The following SPRYD7 variants were observed in gnomAD, a reference collection of about 807,000 sequenced individuals.
The protein encoded by SPRYD7 is SPRY domain-containing protein 7.
SPRYD7 carries 14 observed loss-of-function variants against 23.8 expected under a neutral mutation model. The observed-to-expected ratio is 0.59, with a 90% CI of 0.39 to 0.92. SPRYD7 has a LOEUF of 0.92. Among genes scored for constraint, SPRYD7 ranks in the 40% least tolerant of loss-of-function variants. The pLI is 0.00. For missense variants in SPRYD7, 194 were observed against 241.7 expected, an observed-to-expected ratio of 0.80 and a Z score of 1.31; for synonymous variants, 75 against 84.9, an observed-to-expected ratio of 0.88 and a Z score of 0.64.
At chr13:49,919,717 ACT>A (rs1265872932) in intron 4 of SPRYD7, among the ~76,000 whole-genome samples, 1 of 138,540 alleles carries the variant, frequency 7.2e-6, no homozygotes, top group East Asian at 2.0e-4. Context: ...ACAGAGTGAG[ACT>A]CTGTCTCAAA....
chr13:49,922,689 T>G (rs1176679272), intron 3 of SPRYD7, among the ~76,000 whole-genome samples: 1 of 152,196 alleles, frequency 6.6e-6, no homozygotes, highest in Non-Finnish European at 1.5e-5. Flanking sequence ...AAAAGAGATC[T>G]TTCCCTTGAA....
At chr13:49,924,233 C>G (rs1255367646) in intron 3 of SPRYD7, among the ~76,000 whole-genome samples, 2 of 151,804 alleles carry the variant, frequency 1.3e-5, no homozygotes, top group African/African-American at 4.8e-5. Flanking sequence ...GTGATCTGCC[C>G]ACCTCGGCCT....
chr13:49,923,888 C>T, intron 3 of SPRYD7, among the ~76,000 whole-genome samples: 1 of 151,748 alleles, frequency 6.6e-6, no homozygotes, highest in African/African-American at 2.4e-5. Flanking sequence ...TGTTCTATGT[C>T]TTTATTAATA....
chr13:49,914,995 G>C lies in SPRYD7; in HGVS notation c.*68C>G. The C allele has an allele frequency of 1.1e-6, 1 of 877,406 alleles. No individual in the cohort carries two copies. Among genetic ancestry groups the C allele is most frequent in the South Asian group, 2.0e-5 (1 of 51,156 alleles). 54.4% of individuals were successfully genotyped at this position (877,406 alleles called of 1,614,324 possible). A position where few individuals can be genotyped will look rare whatever the true frequency, so the allele number is the denominator to read the frequency against. On this transcript the variant is annotated 3_prime_UTR_variant, in exon 5 of 5. Transcript: ENST00000361840. ...GAATATATTTTCATCTATAGGCCAG[G>C]TAAAGTTTTATTAAATGATGAACAT...
chr13:49,921,460 A>T lies in SPRYD7; in HGVS notation c.493+18T>A. ...GTTAATATGTATGTAATAATACATTAGAAATATTTTTGCTTACCATAAACA... is the reference window on the plus strand; with the variant it reads ...GTTAATATGTATGTAATAATACATTTGAAATATTTTTGCTTACCATAAACA... On this transcript the variant is annotated intron_variant, in intron 4 of 4. Coordinates refer to ENST00000361840, the MANE Select transcript of SPRYD7 (RefSeq NM_020456.4). 6.9e-7 allele frequency: 1 copy of T among 1,457,574 alleles called. No homozygotes were observed. The highest frequency in any genetic ancestry group is 9.6e-7 in the Non-Finnish European group (1 of 1,038,168). 90.3% of individuals were successfully genotyped at this position (1,457,574 alleles called of 1,614,324 possible). A position where few individuals can be genotyped will look rare whatever the true frequency, so the allele number is the denominator to read the frequency against.
intron 4 of SPRYD7, among the ~76,000 whole-genome samples, chr13:49,917,173 G>C (rs184350299): frequency 6.6e-6 from 1 of 151,800 alleles, no homozygotes. Flanking sequence ...GCATGATCTC[G>C]GCTCACTGCA....
At chr13:49,925,985 T>C (rs1252558549) in intron 3 of SPRYD7, among the ~76,000 whole-genome samples, 2 of 152,210 alleles carry the variant, frequency 1.3e-5, no homozygotes, top group Admixed American at 1.3e-4. Context: ...GAATGGTACA[T>C]GACTTAAATT....
intron 4 of SPRYD7, among the ~76,000 whole-genome samples, chr13:49,919,561 CA>C (rs1002086634): frequency 3.4e-5 from 5 of 148,278 alleles, no homozygotes; most frequent in Non-Finnish European, 6.0e-5. Context: ...CAAAACAATA[CA>C]AAAAAACCCC....
Position 49,914,767 on chromosome 13 carries a change from A to T in SPRYD7, c.*296T>A. ...AAAACAAATATATTATGTAAGAAAG[A>T]ATTCCCTTTAAATATATATGTATAT... is the stretch of plus-strand genomic sequence containing the variant. On this transcript the variant is annotated 3_prime_UTR_variant, in exon 5 of 5. Coordinates refer to ENST00000361840, the MANE Select transcript of SPRYD7 (RefSeq NM_020456.4). 6.2e-6 allele frequency: 1 copy of T among 160,474 alleles called. No homozygotes were observed. Among genetic ancestry groups the T allele is most frequent in the Non-Finnish European group, 1.4e-5 (1 of 72,558 alleles). 9.9% of individuals were successfully genotyped at this position (160,474 alleles called of 1,614,324 possible).
At position 49,932,394 on chromosome 13, in the gene SPRYD7, T is replaced by G. The variant is rs150317671; in HGVS notation, c.107-1260A>C. Among the ~76,000 whole-genome samples, 385 of 152,230 alleles carry G rather than the reference T, an allele frequency of 2.5e-3. 2 individuals carry two copies. Among genetic ancestry groups the G allele is most frequent in the African/African-American group, 8.7e-3 (360 of 41,532 alleles). The stretch of plus-strand genomic sequence containing the variant: ...ACATGCACTTTATTCTCGTAGAAAA[T>G]TTTTTAGATGAAACGACATCTATAG... On this transcript the variant is annotated intron_variant, in intron 1 of 4. Coordinates refer to ENST00000361840, the MANE Select transcript of SPRYD7 (RefSeq NM_020456.4).
At chr13:49,924,127 C>T (rs1325435092) in intron 3 of SPRYD7, among the ~76,000 whole-genome samples, 1 of 152,012 alleles carries the variant, frequency 6.6e-6, no homozygotes, top group Non-Finnish European at 1.5e-5. Context: ...GGATTACAGG[C>T]ATGCACCACT....
chr13:49,929,939 A>G (rs1955928660), intron 2 of SPRYD7, among the ~76,000 whole-genome samples: 1 of 151,730 alleles, frequency 6.6e-6, no homozygotes, highest in Non-Finnish European at 1.5e-5. Flanking sequence ...ACAGGTGCCC[A>G]CCACGATGCC....
chr13:49,920,367 G>T (rs1258666658), intron 4 of SPRYD7, among the ~76,000 whole-genome samples: 1 of 152,050 alleles, frequency 6.6e-6, no homozygotes, highest in Non-Finnish European at 1.5e-5. Context: ...ATTTTGTAAG[G>T]GTTATTAATG....
At chr13:49,928,808 A>G (rs1475881924) in intron 2 of SPRYD7, among the ~76,000 whole-genome samples, 2 of 152,200 alleles carry the variant, frequency 1.3e-5, no homozygotes, top group East Asian at 1.9e-4. Context: ...AAAGCTACAC[A>G]TTGAATTTAA....
At position 49,928,062 on chromosome 13, in the gene SPRYD7, T is replaced by G. The variant is rs1484327222; in HGVS notation, c.247A>C (p.Thr83Pro). The G allele has an allele frequency of 4.3e-6, 7 of 1,614,108 alleles. No homozygotes were observed. The highest frequency in any genetic ancestry group is 5.9e-6 in the Non-Finnish European group (7 of 1,180,012). Residue 83 changes from threonine (T) to proline (P), a missense_variant, in exon 3 of 5, where the codon ACT (threonine) becomes CCT (proline). Coordinates refer to ENST00000361840, the MANE Select transcript of SPRYD7 (RefSeq NM_020456.4). ...STGIWGIGVATQKVNLNQIPL... is the reference protein window; with the variant it reads ...STGIWGIGVAPQKVNLNQIPL... Reference sequence around the variant, plus strand: ...ATCTGATTCAAGTTAACCTTCTGAGTTGCAACACCAATACCCCAGATTCCT... The same window carrying G: ...ATCTGATTCAAGTTAACCTTCTGAGGTGCAACACCAATACCCCAGATTCCT...
chr13:49,929,401 A>G (rs1056259227), intron 2 of SPRYD7, among the ~76,000 whole-genome samples: 2 of 152,182 alleles, frequency 1.3e-5, no homozygotes, highest in African/African-American at 4.8e-5. Context: ...AGTAAGATTC[A>G]TTTACTCCAC....
intron 4 of SPRYD7, among the ~76,000 whole-genome samples, chr13:49,920,275 C>CAAA: frequency 6.7e-6 from 1 of 149,516 alleles, no homozygotes; most frequent in South Asian, 2.1e-4. Flanking sequence ...CAAAACAAAA[C>CAAA]AAAACAAAAA....
intron 4 of SPRYD7, 43 bp downstream of exon 4, chr13:49,921,435 G>C (rs370744147): frequency 2.7e-5 from 33 of 1,226,640 alleles, no homozygotes; most frequent in East Asian, 1.6e-4. Context: ...CACCAAACAA[G>C]TTAATATGTA....
intron 1 of SPRYD7, among the ~76,000 whole-genome samples, chr13:49,934,917 A>G (rs538988326): frequency 1.3e-5 from 2 of 152,246 alleles, no homozygotes; most frequent in Non-Finnish European, 2.9e-5. Context: ...ATATCACTTC[A>G]GTAAATGAGT....
Sources: allele counts gnomAD v4.1 joint callset (sites outside exome capture counted in the v4.1 genomes callset), GRCh38; gene constraint gnomAD v4.1.1; transcripts MANE v1.5; gene names NCBI Gene and HGNC (gene_info 2026-07-23, HGNC 2026-07-21).